Variants in TENM3 observed in about 807,000 individuals in gnomAD.
The protein encoded by TENM3 is teneurin-3.
In TENM3, 63 loss-of-function variants were observed where a neutral mutation model predicts 255.1. The ratio of observed to expected loss-of-function variants is 0.25; its 90% CI spans 0.20 to 0.30. TENM3 has a LOEUF of 0.30. Among genes scored for constraint, TENM3 ranks in the 10% least tolerant of loss-of-function variants. TENM3 has a pLI of 1.00. For synonymous variants in TENM3, 1,306 were observed against 1,322.3 expected (o/e 0.99, Z 0.27); for missense variants, 2,929 against 3,461.1 (o/e 0.85, Z 3.86).
the TENM3 span, among the ~76,000 whole-genome samples, chr4:181,869,022 G>A: frequency 6.6e-6 from 1 of 150,966 alleles, no homozygotes; most frequent in Non-Finnish European, 1.5e-5. Flanking sequence ...AACTGTTGCT[G>A]ACCAATTTTC....
In TENM3 at chr4:182,232,442, A is replaced by G. The variant is rs200904197; in HGVS notation, c.-76+87688A>G. 3.2e-4 allele frequency among the ~76,000 whole-genome samples: 49 copies of G among 152,312 alleles called. 2 individuals are homozygous for G. In the East Asian group the frequency reaches 9.3e-3, roughly 29 times the overall value. The stretch of plus-strand genomic sequence containing the variant: ...TTGTCCAGACATTAAAGACATATAT[A>G]CGGACAAACGCGTTGGCTCACACCT... On this transcript the variant is annotated intron_variant, in intron 1 of 2. Coordinates refer to the TENM3 transcript ENST00000512480.
In TENM3 at chr4:182,762,130, CAGATT is replaced by C. The variant is rs1359052901; in HGVS notation, c.4892+6874_4892+6878del. ...CAAAAAATTGCACAAAAAATAAAAACAGATTAGTCAGATTTTCTCAGTTCATCGGC... is the reference window on the plus strand; with the variant it reads ...CAAAAAATTGCACAAAAAATAAAAACAGTCAGATTTTCTCAGTTCATCGGC... On this transcript the variant is annotated intron_variant, in intron 22 of 27. Transcript: ENST00000511685. Among the ~76,000 whole-genome samples the C allele has an allele frequency of 8.7e-4, 132 of 152,278 alleles. 1 individual carries two copies. Among genetic ancestry groups the C allele is most frequent in the South Asian group, 6.2e-4 (3 of 4,828 alleles).
intron 4 of TENM3, among the ~76,000 whole-genome samples, chr4:182,611,218 C>T (rs1299476311): frequency 6.6e-6 from 1 of 151,978 alleles, no homozygotes; most frequent in Admixed American, 6.6e-5. Context: ...AAAAACAAAA[C>T]CTCAACCCCC....
intron 1 of TENM3, among the ~76,000 whole-genome samples, chr4:182,187,020 T>C (rs1411786816): frequency 6.6e-6 from 1 of 151,286 alleles, no homozygotes; most frequent in East Asian, 1.9e-4. Context: ...GAGCAGTTGT[T>C]TGACTATATT....
chr4:182,409,236 C>T (rs1037480672), intron 3 of TENM3, among the ~76,000 whole-genome samples: 1 of 152,216 alleles, frequency 6.6e-6, no homozygotes, highest in African/African-American at 2.4e-5. Flanking sequence ...AGAAAGCTCT[C>T]TCTTACCTGT....
At chr4:182,561,802 T>A (rs1743208346) in intron 3 of TENM3, among the ~76,000 whole-genome samples, 1 of 152,150 alleles carries the variant, frequency 6.6e-6, no homozygotes, top group Non-Finnish European at 1.5e-5. Context: ...GTCATAATAC[T>A]ATTCAGTTGT....
At chr4:182,158,126 G>A (rs763442593) in intron 1 of TENM3, among the ~76,000 whole-genome samples, 13 of 152,158 alleles carry the variant, frequency 8.5e-5, no homozygotes, top group African/African-American at 2.4e-4. Context: ...AAGGGCACAC[G>A]CTTTCTCCAA....
chr4:182,395,483 A>G (rs1413053105), intron 3 of TENM3, among the ~76,000 whole-genome samples: 4 of 152,186 alleles, frequency 2.6e-5, no homozygotes, highest in African/African-American at 7.2e-5. Flanking sequence ...ATACTGTCTT[A>G]TAAGTCTAAT....
chr4:181,488,983 G>C, the TENM3 span, among the ~76,000 whole-genome samples: 1 of 152,132 alleles, frequency 6.6e-6, no homozygotes, highest in Non-Finnish European at 1.5e-5. Flanking sequence ...GCCTTGATCA[G>C]CCTCAAGGTC....
chr4:181,961,287 G>T, the TENM3 span, among the ~76,000 whole-genome samples: 1 of 152,164 alleles, frequency 6.6e-6, no homozygotes, highest in Non-Finnish European at 1.5e-5. Context: ...GTTTGCAATT[G>T]TTTTACATGG....
the TENM3 span, among the ~76,000 whole-genome samples, chr4:181,629,403 C>T: frequency 3.3e-5 from 5 of 152,170 alleles, no homozygotes; most frequent in Admixed American, 1.3e-4. Flanking sequence ...GAGCGCATCC[C>T]TGTCTTGTGC....
the TENM3 span, among the ~76,000 whole-genome samples, chr4:182,026,672 T>G: frequency 6.6e-6 from 1 of 152,218 alleles, no homozygotes; most frequent in African/African-American, 2.4e-5. Context: ...TTCATTCTTC[T>G]GCATATGGAT....
At chr4:181,934,826 T>A in the TENM3 span, among the ~76,000 whole-genome samples, 1 of 152,178 alleles carries the variant, frequency 6.6e-6, no homozygotes, top group Non-Finnish European at 1.5e-5. Flanking sequence ...AAATTTTGCA[T>A]TTTAATTCAC....
At chr4:182,503,837 G>C (rs77751387) in intron 3 of TENM3, among the ~76,000 whole-genome samples, 1 of 151,958 alleles carries the variant, frequency 6.6e-6, no homozygotes, top group African/African-American at 2.4e-5. Context: ...AGATATCCAC[G>C]AGACTTACTC....
chr4:181,964,438 T>G, the TENM3 span, among the ~76,000 whole-genome samples: 36 of 152,346 alleles, frequency 2.4e-4, no homozygotes, highest in Non-Finnish European at 3.7e-4. Context: ...ATACACGTTC[T>G]GTTTGAAGAA....
At chr4:181,481,831 G>A in the TENM3 span, among the ~76,000 whole-genome samples, 1 of 152,100 alleles carries the variant, frequency 6.6e-6, no homozygotes, top group Non-Finnish European at 1.5e-5. Flanking sequence ...GCTCAATAAA[G>A]GTGAATTATC....
Position 182,386,983 on chromosome 4 carries a change from G to A in TENM3, c.511+40054G>A, listed in dbSNP as rs900336795. Among the ~76,000 whole-genome samples the A allele has an allele frequency of 4.6e-5, 7 of 152,354 alleles. No individual in the cohort carries two copies. The South Asian group carries it at 1.0e-3, about 23-fold the overall frequency. ...GCAGCTCCACCTGCAGCCCCTGTGCGGGATCCACTGGGTGAAGCCAGCTGG... is the reference window on the plus strand; with the variant it reads ...GCAGCTCCACCTGCAGCCCCTGTGCAGGATCCACTGGGTGAAGCCAGCTGG... On this transcript the variant is annotated intron_variant, in intron 3 of 27. Coordinates refer to ENST00000511685, the MANE Select transcript of TENM3 (RefSeq NM_001080477.4).
chr4:182,406,888 A>T (rs747548782), intron 3 of TENM3, among the ~76,000 whole-genome samples: 14 of 152,218 alleles, frequency 9.2e-5, no homozygotes, highest in Non-Finnish European at 2.1e-4. Flanking sequence ...TGTCCTGTTC[A>T]TAAGAAGCAG....
the TENM3 span, among the ~76,000 whole-genome samples, chr4:181,712,135 C>T: frequency 2.0e-5 from 3 of 152,122 alleles, no homozygotes; most frequent in African/African-American, 4.8e-5. Flanking sequence ...CAGTCAATAG[C>T]AAGATCAAAG....
Sources: gnomAD v4.1 joint callset for allele counts (sites outside exome capture counted in the v4.1 genomes callset) on GRCh38, gnomAD v4.1.1 for gene constraint, MANE v1.5 for transcripts, NCBI Gene and HGNC (gene_info 2026-07-23, HGNC 2026-07-21) for gene names.